The following SLC49A3 variants were observed in gnomAD, a reference collection of about 807,000 sequenced individuals.
The protein encoded by SLC49A3 is solute carrier family 49 member 3.
A neutral mutation model predicts 43.8 loss-of-function variants in SLC49A3; 50 were observed. The ratio of observed to expected loss-of-function variants is 1.14; its 90% CI spans 0.91 to 1.45. The LOEUF is 1.45. Ranked by LOEUF, SLC49A3 falls within the 40% of genes most tolerant of loss-of-function variation. SLC49A3 has a pLI of 0.00. For synonymous variants in SLC49A3, 413 were observed against 352.0 expected (o/e 1.17, Z -1.94); for missense variants, 906 against 774.1 (o/e 1.17, Z -2.02).
downstream of SLC49A3, chr4:678,863 CTA>C: frequency 6.2e-7 from 1 of 1,608,818 alleles, no homozygotes; most frequent in Non-Finnish European, 8.5e-7. Flanking sequence ...GAGTGGAAGC[CTA>C]TCCTCAGTCA....
upstream of SLC49A3, among the ~76,000 whole-genome samples, chr4:691,153 C>T (rs899214758): frequency 2.6e-5 from 4 of 151,418 alleles, no homozygotes; most frequent in African/African-American, 9.7e-5. Flanking sequence ...GGTGTGGTGA[C>T]ATGCACCTGT....
At chr4:684,965 G>C in intron 4 of SLC49A3, 109 bp from the exon 5 acceptor site, 1 of 1,428,806 alleles carries the variant, frequency 7.0e-7, no homozygotes, top group Non-Finnish European at 9.3e-7. Context: ...CCCCACCACC[G>C]GCTGCCTCCC....
At chr4:683,798 C>T in intron 6 of SLC49A3, 37 bp from the exon 7 acceptor site, 2 of 1,535,810 alleles carry the variant, frequency 1.3e-6, no homozygotes, top group Non-Finnish European at 1.8e-6. Context: ...CCCCAAGAGG[C>T]CACCATTATC....
At chr4:690,319 C>T (rs548956845), upstream of SLC49A3, among the ~76,000 whole-genome samples, 2 of 151,958 alleles carry the variant, frequency 1.3e-5, no homozygotes, top group East Asian at 1.9e-4. Context: ...TTCTCTGAGA[C>T]GTGTGATGGA....
downstream of SLC49A3, chr4:680,697 C>G: frequency 8.7e-7 from 1 of 1,143,120 alleles, no homozygotes; most frequent in Non-Finnish European, 1.3e-6. Flanking sequence ...CTCCCCACCT[C>G]TGACCAGCTT....
upstream of SLC49A3, chr4:689,541 G>C (rs1028186594): frequency 1.3e-5 from 2 of 157,442 alleles, no homozygotes; most frequent in African/African-American, 4.8e-5. Context: ...CCAGCCACAG[G>C]GAGGGGCCAG....
At chr4:680,685 A>C, downstream of SLC49A3, 1 of 1,223,894 alleles carries the variant, frequency 8.2e-7, no homozygotes, top group Non-Finnish European at 1.2e-6. Context: ...TGCCACGCCC[A>C]CCTCCCCACC....
At position 681,879 on chromosome 4, in the gene SLC49A3, G is replaced by T; in HGVS notation, c.*79C>A. ...CCCGGAGCCCGCAAGGAGCCCTTTCGCCCCCGCCCGCAGGTGGACCAGATG... is the reference window on the plus strand; with the variant it reads ...CCCGGAGCCCGCAAGGAGCCCTTTCTCCCCCGCCCGCAGGTGGACCAGATG... On this transcript the variant is annotated 3_prime_UTR_variant, in exon 10 of 10. Coordinates refer to ENST00000322224, the MANE Select transcript of SLC49A3 (RefSeq NM_032219.4). The T allele has an allele frequency of 7.6e-7, 1 of 1,312,058 alleles. No homozygotes were observed. The highest frequency in any genetic ancestry group is 1.5e-5 in the African/African-American group (1 of 66,144). The allele number at this position is 1,312,058 out of a possible 1,614,324, so 81.3% of individuals were successfully genotyped here.
At position 684,533 on chromosome 4, in the gene SLC49A3, T is replaced by C. The variant is rs749513392; in HGVS notation, c.790A>G (p.Ser264Gly). 15 of 1,613,078 alleles carry C rather than the reference T, an allele frequency of 9.3e-6. No individual in the cohort carries two copies. In the Admixed American group the frequency reaches 2.0e-4, roughly 22 times the overall value. The part of the protein sequence containing the change: ...CLGGMIGISA[S>G]FSALLEQILC... Reference sequence around the variant, plus strand: ...ATCTGCTCCAGGAGGGCTGAGAAGCTGGCAGAGATCCCGATCATTCCCCCC... The same window carrying C: ...ATCTGCTCCAGGAGGGCTGAGAAGCCGGCAGAGATCCCGATCATTCCCCCC... Residue 264 changes from serine to glycine, a missense_variant, in exon 6 of 10, where the codon AGC (serine) becomes GGC (glycine). Coordinates refer to ENST00000322224, the MANE Select transcript of SLC49A3 (RefSeq NM_032219.4).
intron 8 of SLC49A3, 150 bp downstream of exon 8, chr4:683,060 G>A (rs1740143271): frequency 2.5e-6 from 3 of 1,180,658 alleles, no homozygotes; most frequent in African/African-American, 1.5e-5. Flanking sequence ...CACACAGCAG[G>A]TGCTCAGAAC....
chr4:681,015 C>G, downstream of SLC49A3: 1 of 1,506,340 alleles, frequency 6.6e-7, no homozygotes, highest in Non-Finnish European at 9.0e-7. Flanking sequence ...CCTGGGGCCC[C>G]TGGAGCACCT....
chr4:683,153 A>T, intron 8 of SLC49A3, 57 bp downstream of exon 8: 1 of 1,592,928 alleles, frequency 6.3e-7, no homozygotes, highest in Non-Finnish European at 8.6e-7. Flanking sequence ...CCAGGGGTGT[A>T]GGGGTGGAGC....
chr4:686,233 TC>T lies in SLC49A3; in HGVS notation c.363del (p.Thr122ProfsTer73). On this transcript the variant is annotated frameshift_variant, in exon 3 of 10. Coordinates refer to ENST00000322224, the MANE Select transcript of SLC49A3 (RefSeq NM_032219.4). LOFTEE classifies it high-confidence loss of function. ...ATGAGGAAGGCAAATGGGTTTTGGGTCCCAACAACCATGCAGGGCACCATGC... is the reference window on the plus strand; with the variant it reads ...ATGAGGAAGGCAAATGGGTTTTGGGTCCAACAACCATGCAGGGCACCATGC... ...VLRMVPCMVV[G>X]TQNPFAFLMG... The T allele has an allele frequency of 6.2e-7, 1 of 1,613,414 alleles. No homozygotes were observed. Among genetic ancestry groups the T allele is most frequent in the Non-Finnish European group, 8.5e-7 (1 of 1,179,956 alleles).
chr4:680,638 T>G (rs1273844820), downstream of SLC49A3: 1 of 1,575,418 alleles, frequency 6.3e-7, no homozygotes. Context: ...ACCCCAGTGA[T>G]CTCATCCTGT....
chr4:678,785 C>G (rs182080763), downstream of SLC49A3: 1 of 1,607,870 alleles, frequency 6.2e-7, no homozygotes, highest in Admixed American at 1.7e-5. Flanking sequence ...TCCTGCTTCA[C>G]TGGGAGCCCC....
chr4:682,521 C>T, intron 9 of SLC49A3, 145 bp from the exon 10 acceptor site: 2 of 940,538 alleles, frequency 2.1e-6, no homozygotes, highest in Non-Finnish European at 1.4e-6. Context: ...CTTGACAGCC[C>T]TGAGGGGGTG....
In SLC49A3 at chr4:684,733, C is replaced by T. The variant is rs1171313143; in HGVS notation, c.709G>A (p.Asp237Asn). Residue 237 changes from aspartate (D) to asparagine (N), a missense_variant, in exon 5 of 10, where the codon GAT becomes AAT. Physicochemically the swap from Asp to Asn is conservative, Grantham distance 23. Transcript: ENST00000322224. ...ACGGCACTGACCAGCTTGAGCCCAT[C>T]CAGGAACTTCTCTGAGGTGGAGCTG... ...AASSTSEKFLDGLKLLMWNKA... is the reference protein window; with the variant it reads ...AASSTSEKFLNGLKLLMWNKA... 6.2e-7 allele frequency: 1 copy of T among 1,611,376 alleles called. No individual in the cohort carries two copies. Among genetic ancestry groups the T allele is most frequent in the Admixed American group, 1.7e-5 (1 of 59,552 alleles).
downstream of SLC49A3, chr4:679,129 A>G (rs756054573): frequency 4.5e-5 from 44 of 975,304 alleles, no homozygotes; most frequent in Non-Finnish European, 5.8e-5. Context: ...GAATGGAGCC[A>G]GGGCCCGCGC....
In SLC49A3 at chr4:682,240, GTC is replaced by G. The variant is rs2109386709; in HGVS notation, c.1396_1397del (p.Asp466LeufsTer78). 7.2e-7 allele frequency: 1 copy of G among 1,381,766 alleles called. No individual in the cohort carries two copies. The highest frequency in any genetic ancestry group is 2.8e-5 in the East Asian group (1 of 36,078). 85.6% of individuals were successfully genotyped at this position (1,381,766 alleles called of 1,614,324 possible). On this transcript the variant is annotated frameshift_variant, in exon 10 of 10. Coordinates refer to ENST00000322224, the MANE Select transcript of SLC49A3 (RefSeq NM_032219.4). LOFTEE classifies it low-confidence loss of function (END_TRUNC). ...CCCCTCGGTCCACACCCGGCCCTGA[GTC>G]TGCGCCGCCCACGGCGTTACGGGTG... ...PSTRNAVGGA[D>X]SGPGVDRGGA...
Sources: gnomAD v4.1 joint callset for allele counts (sites outside exome capture counted in the v4.1 genomes callset) on GRCh38, gnomAD v4.1.1 for gene constraint, MANE v1.5 for transcripts, NCBI Gene and HGNC (gene_info 2026-07-23, HGNC 2026-07-21) for gene names.